PTPRN2: variants seen among roughly 807,000 people sequenced by gnomAD.
PTPRN2 encodes the protein protein tyrosine phosphatase receptor type N2, also known as receptor-type tyrosine-protein phosphatase N2.
Under a neutral mutation model 118.8 loss-of-function variants are expected in PTPRN2, and 74 were observed. That is an observed-to-expected ratio of 0.62 (90% CI 0.52 to 0.76). The LOEUF (loss-of-function observed/expected upper bound fraction) is 0.76, where lower values mean the gene tolerates loss of function less well. PTPRN2 is among the 30% of genes least tolerant of loss of function. The probability of loss-of-function intolerance (pLI) is 0.00; values close to 1 mark genes in which losing one functional copy is unlikely to be tolerated. For synonymous variants in PTPRN2, 641 were observed against 608.0 expected (o/e 1.05, Z -0.80); for missense variants, 1,481 against 1,394.4 (o/e 1.06, Z -0.99).
chr7:158,249,811 A>T (rs1796545782), intron 3 of PTPRN2, among the ~76,000 whole-genome samples: 1 of 152,230 alleles, frequency 6.6e-6, no homozygotes, highest in Non-Finnish European at 1.5e-5. Context: ...TTTGACAGAC[A>T]TGCACTGAAT....
At chr7:158,194,604 G>A (rs903411642) in intron 4 of PTPRN2, among the ~76,000 whole-genome samples, 1 of 152,226 alleles carries the variant, frequency 6.6e-6, no homozygotes, top group Non-Finnish European at 1.5e-5. Flanking sequence ...CTCATAACAG[G>A]CTTTACAGGT....
intron 1 of PTPRN2, among the ~76,000 whole-genome samples, chr7:158,573,940 T>A (rs919106656): frequency 6.6e-6 from 1 of 152,182 alleles, no homozygotes; most frequent in African/African-American, 2.4e-5. Context: ...ATTTTAACTA[T>A]ACGTAATCCA....
intron 1 of PTPRN2, among the ~76,000 whole-genome samples, chr7:158,510,752 T>C (rs1823117935): frequency 6.6e-6 from 1 of 152,090 alleles, no homozygotes; most frequent in South Asian, 2.1e-4. Flanking sequence ...AAACTATGAG[T>C]AGGTCGGATG....
chr7:158,398,667 CT>C (rs879775198), intron 2 of PTPRN2, among the ~76,000 whole-genome samples: 5 of 152,218 alleles, frequency 3.3e-5, no homozygotes, highest in Non-Finnish European at 7.3e-5. Flanking sequence ...CGCATTTCTA[CT>C]CCCCAGAGGT....
At chr7:158,062,919 C>A (rs1357351496) in intron 11 of PTPRN2, among the ~76,000 whole-genome samples, 1 of 152,246 alleles carries the variant, frequency 6.6e-6, no homozygotes, top group Non-Finnish European at 1.5e-5. Flanking sequence ...TCCGCGGCGC[C>A]CAGTCCCATT....
chr7:157,846,535 C>T (rs1478871130), intron 12 of PTPRN2, among the ~76,000 whole-genome samples: 5 of 152,166 alleles, frequency 3.3e-5, no homozygotes, highest in African/African-American at 9.7e-5. Flanking sequence ...GGAACAGGCA[C>T]CAGTTTGTCA....
At chr7:157,850,116 T>G (rs1809158344) in intron 12 of PTPRN2, among the ~76,000 whole-genome samples, 1 of 152,210 alleles carries the variant, frequency 6.6e-6, no homozygotes, top group African/African-American at 2.4e-5. Flanking sequence ...AAAGAGAACA[T>G]TCATAACAAA....
chr7:158,019,431 C>A (rs79528540), intron 11 of PTPRN2, among the ~76,000 whole-genome samples: 1 of 152,218 alleles, frequency 6.6e-6, no homozygotes, highest in Non-Finnish European at 1.5e-5. Context: ...GCTACAAGGA[C>A]GTGAGCTGGA....
intron 1 of PTPRN2, among the ~76,000 whole-genome samples, chr7:158,500,033 TAAA>T (rs34436604): frequency 4.1e-4 from 50 of 121,554 alleles, no homozygotes; most frequent in Admixed American, 4.9e-4. Flanking sequence ...ACACTTGAGC[TAAA>T]AAAAAAAAAA....
At chr7:158,485,370 C>G (rs573661959) in intron 2 of PTPRN2, among the ~76,000 whole-genome samples, 61 of 99,236 alleles carry the variant, frequency 6.1e-4, no homozygotes, top group African/African-American at 1.8e-3. Flanking sequence ...TCGGCCACCC[C>G]TCTCTGCGCC....
At chr7:158,357,756 C>G (rs1432688285) in intron 2 of PTPRN2, among the ~76,000 whole-genome samples, 3 of 152,248 alleles carry the variant, frequency 2.0e-5, no homozygotes, top group Non-Finnish European at 4.4e-5. Flanking sequence ...AAAGAAGGGC[C>G]TGGTCCCAGG....
At chr7:158,041,843 G>T (rs530419801) in intron 11 of PTPRN2, among the ~76,000 whole-genome samples, 1 of 152,276 alleles carries the variant, frequency 6.6e-6, no homozygotes, top group South Asian at 2.1e-4. Flanking sequence ...ATTGACATGT[G>T]ACCCTTCCCA....
intron 11 of PTPRN2, among the ~76,000 whole-genome samples, chr7:158,070,310 G>GGTGGTGGAGGTGCCCGTC: frequency 6.6e-6 from 1 of 150,512 alleles, no homozygotes; most frequent in Non-Finnish European, 1.5e-5. Flanking sequence ...AGGTGCTCCT[G>GGTGGTGGAGGTGCCCGTC]GTGGTGGAGG....
chr7:158,341,472 C>T (rs1449510183), intron 2 of PTPRN2, among the ~76,000 whole-genome samples: 1 of 148,284 alleles, frequency 6.7e-6, no homozygotes, highest in African/African-American at 2.5e-5. Context: ...GTCATTCACA[C>T]CCACACTCTC....
chr7:158,004,136 C>G (rs1805480244), intron 11 of PTPRN2, among the ~76,000 whole-genome samples: 1 of 150,306 alleles, frequency 6.7e-6, no homozygotes, highest in Non-Finnish European at 1.5e-5. Context: ...GCTTCCAGTG[C>G]CCAATTTGGG....
intron 11 of PTPRN2, among the ~76,000 whole-genome samples, chr7:157,950,712 T>C (rs571059830): frequency 6.6e-6 from 1 of 152,338 alleles, no homozygotes; most frequent in South Asian, 2.1e-4. Context: ...ACAACTATTC[T>C]ACAGAAAAGA....
intron 3 of PTPRN2, among the ~76,000 whole-genome samples, chr7:158,290,398 T>A (rs914525016): frequency 6.6e-6 from 1 of 151,910 alleles, no homozygotes; most frequent in East Asian, 1.9e-4. Flanking sequence ...GTGCCAGAGA[T>A]GATGTGGAGC....
chr7:157,873,976 C>G (rs1356799539), intron 12 of PTPRN2, among the ~76,000 whole-genome samples: 1 of 152,202 alleles, frequency 6.6e-6, no homozygotes, highest in Admixed American at 6.5e-5. Flanking sequence ...TCTGCCACAA[C>G]TCCGGCAAAG....
At chr7:157,879,396 C>T (rs145878445) in intron 12 of PTPRN2, among the ~76,000 whole-genome samples, 204 of 148,774 alleles carry the variant, frequency 1.4e-3, no homozygotes, top group African/African-American at 5.0e-3. Context: ...CACACACACT[C>T]GTGCACGCAC....
Sources: allele counts gnomAD v4.1 joint callset (sites outside exome capture counted in the v4.1 genomes callset), GRCh38; gene constraint gnomAD v4.1.1; transcripts MANE v1.5; gene names NCBI Gene and HGNC (gene_info 2026-07-23, HGNC 2026-07-21).